The following KIFAP3 variants were observed in gnomAD, a reference collection of about 807,000 sequenced individuals.
The protein encoded by KIFAP3 is kinesin associated protein 3.
Under a neutral mutation model 106.5 loss-of-function variants are expected in KIFAP3, and 68 were observed. That is an observed-to-expected ratio of 0.64 (90% CI 0.53 to 0.78). The LOEUF is 0.78. Ranked by LOEUF, KIFAP3 falls within the 30% of genes least tolerant of loss-of-function variation. The pLI is 0.00. For synonymous variants in KIFAP3, 320 were observed against 311.5 expected (o/e 1.03, Z -0.29); for missense variants, 780 against 941.8 (o/e 0.83, Z 2.25).
At chr1:169,934,904 C>T (rs539964438) in intron 19 of KIFAP3, among the ~76,000 whole-genome samples, 57 of 152,148 alleles carry the variant, frequency 3.7e-4, no homozygotes, top group African/African-American at 1.3e-3. Flanking sequence ...GATAAGGTAA[C>T]ATGCAACTGC....
chr1:170,023,840 T>TA (rs1668977441), intron 9 of KIFAP3, among the ~76,000 whole-genome samples: 1 of 152,020 alleles, frequency 6.6e-6, no homozygotes, highest in Admixed American at 6.6e-5. Context: ...GAAAGCCTAG[T>TA]ATAATAATTC....
At chr1:169,993,328 T>A (rs1050042776) in intron 10 of KIFAP3, among the ~76,000 whole-genome samples, 4 of 151,342 alleles carry the variant, frequency 2.6e-5, no homozygotes, top group African/African-American at 9.7e-5. Context: ...GCCAGGCTGG[T>A]CTCGAACTCT....
chr1:170,000,863 T>C (rs1557826333), intron 10 of KIFAP3, among the ~76,000 whole-genome samples: 1 of 152,114 alleles, frequency 6.6e-6, no homozygotes, highest in Non-Finnish European at 1.5e-5. Flanking sequence ...ATTTATAGGT[T>C]ACAAAGATCA....
At chr1:170,022,206 C>T (rs975068732) in intron 9 of KIFAP3, among the ~76,000 whole-genome samples, 20 of 151,894 alleles carry the variant, frequency 1.3e-4, no homozygotes, top group African/African-American at 4.6e-4. Context: ...GCCTTGGCCT[C>T]CCAAAGTTCT....
At chr1:170,042,747 T>C (rs957957876) in intron 3 of KIFAP3, among the ~76,000 whole-genome samples, 10 of 152,328 alleles carry the variant, frequency 6.6e-5, no homozygotes, top group African/African-American at 2.2e-4. Flanking sequence ...TTTGTTCTTC[T>C]TCTACATTGG....
intron 10 of KIFAP3, among the ~76,000 whole-genome samples, chr1:170,002,676 G>A (rs1226483590): frequency 2.0e-5 from 3 of 152,260 alleles, no homozygotes; most frequent in African/African-American, 7.2e-5. Flanking sequence ...GGGTGGCTCT[G>A]CTGATTAAAA....
chr1:170,063,148 C>T (rs964964902), intron 1 of KIFAP3, among the ~76,000 whole-genome samples: 1 of 152,170 alleles, frequency 6.6e-6, no homozygotes, highest in Admixed American at 6.5e-5. Flanking sequence ...CCAGTAGATG[C>T]AGTTAAACGA....
intron 16 of KIFAP3, among the ~76,000 whole-genome samples, chr1:169,973,105 G>GTATATATATATATATATATATATA (rs1553278126): frequency 7.8e-5 from 7 of 90,300 alleles, no homozygotes; most frequent in Non-Finnish European, 1.3e-4. Context: ...AAAATAGTGT[G>GTATATATATATATATATATATATA]TATATATATA....
intron 5 of KIFAP3, among the ~76,000 whole-genome samples, chr1:170,037,187 C>T (rs1324167443): frequency 6.6e-6 from 1 of 152,106 alleles, no homozygotes; most frequent in Non-Finnish European, 1.5e-5. Context: ...TGGAACAGTA[C>T]CTGCCACAGA....
rs750232189 is a variant in KIFAP3, at chr1:170,024,469, A to T, written c.969T>A (p.Val323=). The change falls in exon 9 of 20, where the codon GTT becomes GTA. Residue 323 remains valine (V), a synonymous_variant. Coordinates refer to ENST00000361580, the MANE Select transcript of KIFAP3 (RefSeq NM_014970.4). ...TGCTGAGTTTCTTCAAGAATGACAC[A>T]ACTAAAATTAGCAGCTCAAAATTGT... ...DRDNFELLIL[V]VSFLKKLSIF... 1 of 1,602,870 alleles carries T rather than the reference A, an allele frequency of 6.2e-7. No individual in the cohort carries two copies. Among genetic ancestry groups the T allele is most frequent in the Admixed American group, 1.7e-5 (1 of 58,564 alleles).
At chr1:170,082,415 G>T (rs993090330) in intron 1 of KIFAP3, among the ~76,000 whole-genome samples, 8 of 152,342 alleles carry the variant, frequency 5.3e-5, no homozygotes, top group Non-Finnish European at 1.2e-4. Flanking sequence ...TGGTTGCCTT[G>T]TGCTAGTGAT....
intron 9 of KIFAP3, among the ~76,000 whole-genome samples, chr1:170,017,798 A>C (rs977977442): frequency 2.0e-5 from 3 of 152,204 alleles, no homozygotes; most frequent in African/African-American, 7.2e-5. Flanking sequence ...GCAGTCTCAG[A>C]GTCCTTTTCT....
chr1:170,039,129 T>A (rs1235683692), intron 4 of KIFAP3, 104 bp downstream of exon 4: 4 of 567,090 alleles, frequency 7.1e-6, no homozygotes, highest in Non-Finnish European at 1.2e-5. Flanking sequence ...AGTCATTTTT[T>A]AAAAATACCA....
At chr1:169,991,668 G>A (rs148464315) in intron 11 of KIFAP3, among the ~76,000 whole-genome samples, 62 of 151,992 alleles carry the variant, frequency 4.1e-4, no homozygotes, top group African/African-American at 1.4e-3. Context: ...CAGAGACGTG[G>A]GGAAGCATTT....
At chr1:169,961,285 C>A in intron 17 of KIFAP3, 50 bp from the exon 18 acceptor site, 1 of 1,428,314 alleles carries the variant, frequency 7.0e-7, no homozygotes, top group Non-Finnish European at 9.7e-7. Flanking sequence ...ACTCACTTGG[C>A]ACTCAGACGG....
At chr1:170,017,344 A>C (rs1033133072) in intron 9 of KIFAP3, among the ~76,000 whole-genome samples, 5 of 152,112 alleles carry the variant, frequency 3.3e-5, no homozygotes, top group Non-Finnish European at 5.9e-5. Flanking sequence ...CAATGCTCTG[A>C]AAACAGCATT....
chr1:170,009,788 T>G (rs906395633), intron 10 of KIFAP3, among the ~76,000 whole-genome samples: 4 of 152,156 alleles, frequency 2.6e-5, no homozygotes, highest in African/African-American at 9.7e-5. Context: ...GGAAGCACCC[T>G]TGAGACATAT....
intron 8 of KIFAP3, among the ~76,000 whole-genome samples, chr1:170,030,462 A>G (rs1452742481): frequency 1.3e-5 from 2 of 151,900 alleles, no homozygotes; most frequent in Admixed American, 6.6e-5. Flanking sequence ...TGACTCAGCC[A>G]TTCCATCATT....
At chr1:170,067,800 C>T (rs975969355) in intron 1 of KIFAP3, 2 of 152,182 alleles carry the variant, frequency 1.3e-5, no homozygotes, top group African/African-American at 4.8e-5. Context: ...CTGGGTCAAA[C>T]AAAACACAAG....
Sources: gnomAD v4.1 joint callset for allele counts (sites outside exome capture counted in the v4.1 genomes callset) on GRCh38, gnomAD v4.1.1 for gene constraint, MANE v1.5 for transcripts, NCBI Gene and HGNC (gene_info 2026-07-23, HGNC 2026-07-21) for gene names.